Variants in ITPR2 observed in about 807,000 individuals in gnomAD.
ITPR2 encodes the protein inositol 1,4,5-trisphosphate receptor type 2.
In ITPR2, 207 loss-of-function variants were observed where a neutral mutation model predicts 317.1. The observed-to-expected ratio is 0.65, with a 90% confidence interval of 0.58 to 0.73. ITPR2 has a LOEUF of 0.73. Among genes scored for constraint, ITPR2 ranks in the 30% least tolerant of loss-of-function variants. ITPR2 has a pLI of 0.00. For missense variants in ITPR2, 2,613 were observed against 3,284.0 expected (o/e 0.80, Z 4.99); for synonymous variants, 1,156 against 1,149.1 (o/e 1.01, Z -0.12).
In ITPR2 at chr12:26,715,420, G is replaced by T. The variant is rs1592064105; in HGVS notation, c.734C>A (p.Ala245Glu). Residue 245 changes from alanine (A) to glutamate (E), a missense_variant, in exon 8 of 57, where the codon GCG becomes GAG. Coordinates refer to ENST00000381340, the MANE Select transcript of ITPR2 (RefSeq NM_002223.4). ...ACAAGTCAAAAACTTCTCTTGTTCC[G>T]CATGAAATAATCTAACAACGTCCCC... The part of the protein sequence containing the change: ...KGGDVVRLFH[A>E]EQEKFLTCDE... 2 of 1,612,904 alleles carry T rather than the reference G, an allele frequency of 1.2e-6. No individual in the cohort carries two copies. Among genetic ancestry groups the T allele is most frequent in the Non-Finnish European group, 8.5e-7 (1 of 1,179,342 alleles).
chr12:26,401,029 A>G (rs1940161989), intron 52 of ITPR2, among the ~76,000 whole-genome samples: 1 of 151,968 alleles, frequency 6.6e-6, no homozygotes, highest in East Asian at 1.9e-4. Flanking sequence ...CAGGAGTTTG[A>G]GACCAGCCTG....
rs1193394150 is a variant in ITPR2, at chr12:26,831,894, C to T, written c.92+796G>A. 7.3e-6 allele frequency among the ~76,000 whole-genome samples: 1 copy of T among 136,656 alleles called. No individual in the cohort carries two copies. Among genetic ancestry groups the T allele is most frequent in the African/African-American group, 2.6e-5 (1 of 38,770 alleles). 89.7% of individuals were successfully genotyped at this position (136,656 alleles called of 152,430 possible). On this transcript the variant is annotated intron_variant, in intron 1 of 56. Transcript: ENST00000381340. This position sits in a 1 kb window ranked among gnomAD's most constrained non-coding sequence, Gnocchi z 4.9. ...TATATTAATATATATTTCCCTCATT[C>T]ATAAACATATATACATATATGTGTA...
intron 45 of ITPR2, among the ~76,000 whole-genome samples, chr12:26,459,137 C>T (rs2002610): frequency 0.024 from 3,639 of 152,222 alleles, 133 homozygotes; most frequent in East Asian, 0.19. Flanking sequence ...TATGAGGAGC[C>T]TCAGGAAATC....
At chr12:26,823,875 GA>G (rs1307894747) in intron 1 of ITPR2, among the ~76,000 whole-genome samples, 1 of 151,970 alleles carries the variant, frequency 6.6e-6, no homozygotes, top group Admixed American at 6.6e-5. Flanking sequence ...TAACACTATA[GA>G]AGTTGACTCA....
chr12:26,721,042 A>G (rs1948829244), intron 5 of ITPR2, among the ~76,000 whole-genome samples: 1 of 152,162 alleles, frequency 6.6e-6, no homozygotes, highest in Non-Finnish European at 1.5e-5. Context: ...GGGGATGGGA[A>G]CAAGCATTGC....
intron 34 of ITPR2, among the ~76,000 whole-genome samples, chr12:26,563,904 C>T (rs563607866): frequency 1.3e-5 from 2 of 152,278 alleles, no homozygotes; most frequent in African/African-American, 4.8e-5. Flanking sequence ...AACACACCAC[C>T]TAGGATCACA....
intron 37 of ITPR2, among the ~76,000 whole-genome samples, chr12:26,517,041 A>T (rs188937592): frequency 1.3e-5 from 2 of 152,250 alleles, no homozygotes; most frequent in East Asian, 3.9e-4. Context: ...TATAACATTG[A>T]TGACAAGTAA....
intron 15 of ITPR2, among the ~76,000 whole-genome samples, chr12:26,659,910 T>A (rs1311114479): frequency 6.6e-6 from 1 of 152,256 alleles, no homozygotes; most frequent in Non-Finnish European, 1.5e-5. Context: ...TGGTAAAATG[T>A]CATATACTTT....
At chr12:26,583,345 T>C (rs1945446947) in intron 32 of ITPR2, among the ~76,000 whole-genome samples, 1 of 152,188 alleles carries the variant, frequency 6.6e-6, no homozygotes, top group Admixed American at 6.5e-5. Context: ...TGACTGCACA[T>C]TTAGTATGAG....
chr12:26,421,782 A>G (rs1432683152), intron 49 of ITPR2, among the ~76,000 whole-genome samples: 1 of 152,168 alleles, frequency 6.6e-6, no homozygotes, highest in Non-Finnish European at 1.5e-5. Flanking sequence ...ACAAATTTCA[A>G]TTTCAAGGAC....
At chr12:26,803,778 C>T (rs188410724) in intron 1 of ITPR2, among the ~76,000 whole-genome samples, 3 of 152,218 alleles carry the variant, frequency 2.0e-5, no homozygotes, top group African/African-American at 7.2e-5. Flanking sequence ...AACCAACTAC[C>T]ACTTCCTGAC....
rs550840104 is a variant in ITPR2 at position 26,373,307 on chromosome 12, C to G, written c.7857+14127G>C. Among the ~76,000 whole-genome samples the G allele has an allele frequency of 5.3e-5, 8 of 152,284 alleles. No homozygotes were observed. In the East Asian group the frequency reaches 1.5e-3, roughly 29 times the overall value. ...TGGATTCTCATTATGAATGAAGAAT[C>G]CACATCTGTGGCAATCAAGTCTCTT... On this transcript the variant is annotated intron_variant, in intron 55 of 56. Transcript: ENST00000381340.
intron 55 of ITPR2, among the ~76,000 whole-genome samples, chr12:26,362,637 T>C (rs940492510): frequency 6.6e-6 from 1 of 152,208 alleles, no homozygotes; most frequent in African/African-American, 2.4e-5. Context: ...GGGACTCCTT[T>C]AACACCGTCC....
chr12:26,552,250 G>A (rs1182161771), intron 36 of ITPR2, among the ~76,000 whole-genome samples: 1 of 152,108 alleles, frequency 6.6e-6, no homozygotes. Flanking sequence ...GTGCGGTGAT[G>A]TGATCATAGC....
intron 52 of ITPR2, among the ~76,000 whole-genome samples, chr12:26,401,819 A>C (rs1425894241): frequency 6.6e-6 from 1 of 152,228 alleles, no homozygotes; most frequent in Non-Finnish European, 1.5e-5. Flanking sequence ...TCTATGGATA[A>C]GGGATCCTGA....
At chr12:26,648,510 CT>C (rs34607660) in intron 21 of ITPR2, among the ~76,000 whole-genome samples, 9,025 of 131,212 alleles carry the variant, frequency 0.069, 263 homozygotes, top group Middle Eastern at 0.12. Flanking sequence ...AAACCACTTT[CT>C]TTTTTTTTTT....
intron 55 of ITPR2, among the ~76,000 whole-genome samples, chr12:26,384,318 G>C (rs1939603171): frequency 6.6e-6 from 1 of 152,146 alleles, no homozygotes; most frequent in African/African-American, 2.4e-5. Context: ...TTCCAAAGAG[G>C]CTATTTCCAT....
chr12:26,639,136 G>A (rs544921783), intron 21 of ITPR2, among the ~76,000 whole-genome samples: 54 of 152,266 alleles, frequency 3.5e-4, no homozygotes, highest in African/African-American at 1.3e-3. Context: ...CAGAGAGGAG[G>A]GGGGACGCAG....
At position 26,410,923 on chromosome 12, in the gene ITPR2, CAT is replaced by C. The variant is rs527586322; in HGVS notation, c.7399+395_7399+396del. Among the ~76,000 whole-genome samples the C allele has an allele frequency of 6.6e-5, 10 of 152,280 alleles. No homozygotes were observed. The East Asian group carries it at 1.9e-3, about 29-fold the overall frequency. On this transcript the variant is annotated intron_variant, in intron 52 of 56. Transcript: ENST00000381340. ...GGAAATTTGCATAACTTGTCCAAGA[CAT>C]AGAGCTAGAGACTGTCAAGTCCAGG...
Sources: allele counts gnomAD v4.1 joint callset (sites outside exome capture counted in the v4.1 genomes callset), GRCh38; gene constraint gnomAD v4.1.1; non-coding constraint Gnocchi (gnomAD v3.1); transcripts MANE v1.5; gene names NCBI Gene and HGNC (gene_info 2026-07-23, HGNC 2026-07-21).